Variants in RIT2 observed in about 807,000 individuals in gnomAD.
RIT2 encodes Ras like without CAAX 2, also known as GTP-binding protein Rit2.
A neutral mutation model predicts 23.7 loss-of-function variants in RIT2; 24 were observed. That is an observed-to-expected ratio of 1.01 (90% CI 0.73 to 1.43). The LOEUF is 1.43. Among genes scored for constraint, RIT2 ranks in the 40% most tolerant of loss-of-function variants. The pLI is 0.00. For missense variants in RIT2, 236 were observed against 266.9 expected (o/e 0.88, Z 0.81); for synonymous variants, 107 against 91.1 (o/e 1.17, Z -0.99).
chr18:42,762,817 C>T (rs921391723), intron 4 of RIT2, among the ~76,000 whole-genome samples: 1 of 152,132 alleles, frequency 6.6e-6, no homozygotes, highest in Non-Finnish European at 1.5e-5. Context: ...TCAACCAATG[C>T]AGTATATATG....
intron 3 of RIT2, among the ~76,000 whole-genome samples, chr18:42,970,210 A>G (rs539726523): frequency 6.6e-6 from 1 of 152,184 alleles, no homozygotes; most frequent in African/African-American, 2.4e-5. Context: ...TCTGGAACCA[A>G]TAGATGGAAA....
intron 1 of RIT2, among the ~76,000 whole-genome samples, chr18:43,078,714 C>T (rs903333032): frequency 1.3e-5 from 2 of 152,172 alleles, no homozygotes; most frequent in African/African-American, 4.8e-5. Flanking sequence ...CTTCCCGGGA[C>T]GTTTTTGGCC....
At chr18:42,967,500 G>A (rs1400292421) in intron 3 of RIT2, among the ~76,000 whole-genome samples, 1 of 147,604 alleles carries the variant, frequency 6.8e-6, no homozygotes, top group Non-Finnish European at 1.5e-5. Flanking sequence ...CTCCTGAGTA[G>A]CTGGTATTAC....
intron 4 of RIT2, among the ~76,000 whole-genome samples, chr18:42,765,456 A>G (rs1431379221): frequency 3.3e-5 from 5 of 152,138 alleles, no homozygotes; most frequent in Non-Finnish European, 7.3e-5. Context: ...ACCTCCCTGG[A>G]AAGTTACAAG....
chr18:42,913,555 T>C (rs932662896), intron 4 of RIT2, among the ~76,000 whole-genome samples: 3 of 150,374 alleles, frequency 2.0e-5, no homozygotes, highest in South Asian at 4.2e-4. Flanking sequence ...AACCAGAAAA[T>C]AGTCAATGGA....
intron 1 of RIT2, among the ~76,000 whole-genome samples, chr18:43,114,080 T>C (rs1343892738): frequency 6.6e-6 from 1 of 152,290 alleles, no homozygotes; most frequent in Non-Finnish European, 1.5e-5. Flanking sequence ...TCTCAAATCA[T>C]TATATTTAGA....
chr18:43,101,948 C>T (rs1002754858), intron 1 of RIT2, among the ~76,000 whole-genome samples: 2 of 152,102 alleles, frequency 1.3e-5, no homozygotes, highest in African/African-American at 4.8e-5. Context: ...GAAGGAAAAA[C>T]TTTTAATCCT....
chr18:42,930,793 G>C (rs921876743), intron 3 of RIT2, among the ~76,000 whole-genome samples: 2 of 152,044 alleles, frequency 1.3e-5, no homozygotes, highest in Non-Finnish European at 2.9e-5. Context: ...CAGATTCAGG[G>C]GGCAAGACTT....
chr18:42,917,365 T>C (rs1908937755), intron 4 of RIT2, among the ~76,000 whole-genome samples: 2 of 152,148 alleles, frequency 1.3e-5, no homozygotes, highest in Non-Finnish European at 2.9e-5. Flanking sequence ...AATGCAGTAA[T>C]GACCTCAGGT....
intron 4 of RIT2, among the ~76,000 whole-genome samples, chr18:42,836,727 G>A (rs1362673931): frequency 6.6e-6 from 1 of 152,118 alleles, no homozygotes; most frequent in East Asian, 1.9e-4. Flanking sequence ...ACTTTACTTC[G>A]AGATTACCAA....
intron 3 of RIT2, among the ~76,000 whole-genome samples, chr18:42,933,884 G>A (rs1338315254): frequency 6.6e-6 from 1 of 151,908 alleles, no homozygotes; most frequent in Non-Finnish European, 1.5e-5. Context: ...TGGGCGTGGT[G>A]ATGCATGCCT....
chr18:43,069,309 C>A (rs1364482678), intron 1 of RIT2, among the ~76,000 whole-genome samples: 1 of 152,006 alleles, frequency 6.6e-6, no homozygotes, highest in Non-Finnish European at 1.5e-5. Context: ...AGTAGCTATT[C>A]TTTCACCACT....
At chr18:42,808,639 T>A (rs1347385557) in intron 4 of RIT2, among the ~76,000 whole-genome samples, 1 of 152,180 alleles carries the variant, frequency 6.6e-6, no homozygotes, top group Non-Finnish European at 1.5e-5. Context: ...GTTAAAAGTT[T>A]GATTAAACTG....
chr18:42,885,679 G>C (rs1387976941), intron 4 of RIT2, among the ~76,000 whole-genome samples: 1 of 152,176 alleles, frequency 6.6e-6, no homozygotes, highest in Non-Finnish European at 1.5e-5. Flanking sequence ...GAGAGGGTTG[G>C]TGGAATAGCA....
At chr18:42,768,627 T>G (rs1913479060) in intron 4 of RIT2, among the ~76,000 whole-genome samples, 1 of 152,168 alleles carries the variant, frequency 6.6e-6, no homozygotes, top group Non-Finnish European at 1.5e-5. Context: ...ATTATTGAAT[T>G]ATTTCCTGTT....
At chr18:42,744,618 C>A (rs1423297671) in intron 4 of RIT2, among the ~76,000 whole-genome samples, 2 of 152,024 alleles carry the variant, frequency 1.3e-5, no homozygotes, top group East Asian at 3.9e-4. Context: ...TTAATACCTA[C>A]CTCAAAACCT....
At chr18:42,881,602 T>C (rs1034197697) in intron 4 of RIT2, among the ~76,000 whole-genome samples, 1 of 152,190 alleles carries the variant, frequency 6.6e-6, no homozygotes, top group Non-Finnish European at 1.5e-5. Context: ...ATTCTTGAAA[T>C]TGTTCATGCT....
intron 2 of RIT2, among the ~76,000 whole-genome samples, chr18:43,013,334 A>C (rs1451555875): frequency 2.0e-5 from 3 of 151,870 alleles, no homozygotes; most frequent in African/African-American, 7.2e-5. Flanking sequence ...TTTGCATGTA[A>C]GTAATGAATA....
intron 4 of RIT2, among the ~76,000 whole-genome samples, chr18:42,852,610 G>A (rs16977059): frequency 0.016 from 2,382 of 152,214 alleles, 71 homozygotes; most frequent in African/African-American, 0.055. Flanking sequence ...ATTTCCAGAT[G>A]TTCTCCTTTG....
Sources: allele counts gnomAD v4.1 joint callset (sites outside exome capture counted in the v4.1 genomes callset), GRCh38; gene constraint gnomAD v4.1.1; transcripts MANE v1.5; gene names NCBI Gene and HGNC (gene_info 2026-07-23, HGNC 2026-07-21).